NDST4: variants seen among roughly 807,000 people sequenced by gnomAD.
NDST4 encodes N-heparan sulfate sulfotransferase 4.
Under a neutral mutation model 100.8 loss-of-function variants are expected in NDST4, and 63 were observed. That is an observed-to-expected ratio of 0.62 (90% CI 0.51 to 0.77). NDST4 has a LOEUF of 0.77. NDST4 is among the 30% of genes least tolerant of loss of function. The probability of loss-of-function intolerance (pLI) is 0.00; values close to 1 mark genes in which losing one functional copy is unlikely to be tolerated. For synonymous variants in NDST4, 377 were observed against 361.8 expected, an observed-to-expected ratio of 1.04 and a Z score of -0.48; for missense variants, 943 against 1,018.4, an observed-to-expected ratio of 0.93 and a Z score of 1.01.
At chr4:114,989,779 TAA>T (rs1466487908) in intron 2 of NDST4, among the ~76,000 whole-genome samples, 1 of 152,142 alleles carries the variant, frequency 6.6e-6, no homozygotes, top group African/African-American at 2.4e-5. Context: ...AGTTTGAAGA[TAA>T]AGTTTCTAGA....
At chr4:115,003,285 CA>C (rs1326537433) in intron 2 of NDST4, among the ~76,000 whole-genome samples, 2 of 152,050 alleles carry the variant, frequency 1.3e-5, no homozygotes, top group African/African-American at 4.8e-5. Flanking sequence ...TAAAATCAAA[CA>C]AAATTTAAGA....
In NDST4 at chr4:115,084,173, G is replaced by A. The variant is rs568967305; in HGVS notation, c.-246-6891C>T. On this transcript the variant is annotated intron_variant, in intron 1 of 13. Transcript: ENST00000264363. ...GATCTCAGATGTTGATGAGGAACTTGTTGGGAACTGGAATAAAGGGGATTC... is the reference window on the plus strand; with the variant it reads ...GATCTCAGATGTTGATGAGGAACTTATTGGGAACTGGAATAAAGGGGATTC... Among the ~76,000 whole-genome samples, 20 of 152,332 alleles carry A rather than the reference G, an allele frequency of 1.3e-4. 1 individual carries two copies. In the South Asian group the frequency reaches 2.9e-3, roughly 22 times the overall value.
At chr4:115,003,045 A>C (rs1388296555) in intron 2 of NDST4, among the ~76,000 whole-genome samples, 1 of 152,096 alleles carries the variant, frequency 6.6e-6, no homozygotes, top group Non-Finnish European at 1.5e-5. Flanking sequence ...ACATGGATAC[A>C]GGGAGGGGAA....
chr4:115,055,726 G>A (rs1660777472), intron 2 of NDST4, among the ~76,000 whole-genome samples: 1 of 152,020 alleles, frequency 6.6e-6, no homozygotes, highest in African/African-American at 2.4e-5. Context: ...GACTCTGTAG[G>A]TTAATGAGAA....
chr4:115,085,182 TG>T (rs1729386074), intron 1 of NDST4, among the ~76,000 whole-genome samples: 1 of 152,326 alleles, frequency 6.6e-6, no homozygotes, highest in African/African-American at 2.4e-5. Context: ...CAGAATTTCG[TG>T]GGGCCTGTAG....
chr4:114,961,717 A>T (rs1409863606), intron 4 of NDST4, among the ~76,000 whole-genome samples: 2 of 152,054 alleles, frequency 1.3e-5, no homozygotes, highest in Non-Finnish European at 2.9e-5. Context: ...ACACAAATAA[A>T]AGCAAGGAAC....
rs1388507013 is a variant in NDST4, at chr4:114,981,974, T to C, written c.979-4700A>G. Among the ~76,000 whole-genome samples, 6 of 152,284 alleles carry C rather than the reference T, an allele frequency of 3.9e-5. No homozygotes were observed. The South Asian group carries it at 1.2e-3, about 32-fold the overall frequency. On this transcript the variant is annotated intron_variant, in intron 2 of 13. Coordinates refer to ENST00000264363, the MANE Select transcript of NDST4 (RefSeq NM_022569.3). The stretch of plus-strand genomic sequence containing the variant: ...GCACCATCTCCCTAGTGCTGTCTCA[T>C]GACAGAGTTCTCACGAGATCTGGTT...
chr4:114,946,656 T>C (rs1429278797), intron 4 of NDST4, among the ~76,000 whole-genome samples: 2 of 152,038 alleles, frequency 1.3e-5, no homozygotes, highest in African/African-American at 2.4e-5. Flanking sequence ...AGGGGGAGAT[T>C]AGCAAGAGAT....
At chr4:114,851,376 A>C (rs1329369743) in intron 8 of NDST4, among the ~76,000 whole-genome samples, 1 of 152,174 alleles carries the variant, frequency 6.6e-6, no homozygotes, top group Non-Finnish European at 1.5e-5. Context: ...CCTTTGTTTT[A>C]ACATCTTATT....
rs200801455 is a variant in NDST4, at chr4:115,013,346, CATATAT to C, written c.979-36078_979-36073del. 4.1e-4 allele frequency among the ~76,000 whole-genome samples: 27 copies of C among 65,360 alleles called. 2 individuals carry two copies. The highest frequency in any genetic ancestry group is 0.011 in the Middle Eastern group (1 of 90). 42.9% of individuals were successfully genotyped at this position (65,360 alleles called of 152,430 possible). On this transcript the variant is annotated intron_variant, in intron 2 of 13. Coordinates refer to ENST00000264363, the MANE Select transcript of NDST4 (RefSeq NM_022569.3). ...ATGTACTCCATAAAAATATAAATAC[CATATAT>C]ATATATATATATATATATACACACA...
At chr4:114,845,114 G>A (rs958013494) in intron 10 of NDST4, among the ~76,000 whole-genome samples, 2 of 152,050 alleles carry the variant, frequency 1.3e-5, no homozygotes, top group Admixed American at 6.6e-5. Context: ...TGGATTGCTC[G>A]AGCCCGGGAG....
At chr4:115,058,265 T>G (rs916096316) in intron 2 of NDST4, among the ~76,000 whole-genome samples, 1 of 152,172 alleles carries the variant, frequency 6.6e-6, no homozygotes, top group Non-Finnish European at 1.5e-5. Flanking sequence ...ATTCCTTGTA[T>G]AATGTTAATG....
intron 7 of NDST4, among the ~76,000 whole-genome samples, chr4:114,853,777 T>G (rs1346731035): frequency 6.6e-6 from 1 of 152,214 alleles, no homozygotes; most frequent in Non-Finnish European, 1.5e-5. Context: ...GGTTCATATT[T>G]CTGTACTTTA....
At chr4:114,829,600 GTATC>G (rs1578330115) in intron 13 of NDST4, among the ~76,000 whole-genome samples, 186 bp downstream of exon 13, 1 of 151,964 alleles carries the variant, frequency 6.6e-6, no homozygotes, top group Non-Finnish European at 1.5e-5. Context: ...ATTAATTTTA[GTATC>G]TATCTACCGA....
chr4:115,020,473 A>T (rs1293364478), intron 2 of NDST4, among the ~76,000 whole-genome samples: 1 of 152,200 alleles, frequency 6.6e-6, no homozygotes, highest in East Asian at 1.9e-4. Context: ...CATAGGAAAA[A>T]CCCTTTTAGA....
chr4:115,089,010 G>T (rs1378306122), intron 1 of NDST4, among the ~76,000 whole-genome samples: 1 of 152,002 alleles, frequency 6.6e-6, no homozygotes, highest in African/African-American at 2.4e-5. Flanking sequence ...GATTTATTTA[G>T]AATTGAATCT....
intron 8 of NDST4, among the ~76,000 whole-genome samples, chr4:114,851,975 T>A (rs1484163705): frequency 1.3e-5 from 2 of 152,172 alleles, no homozygotes; most frequent in Non-Finnish European, 2.9e-5. Context: ...TGAAAATGCT[T>A]CTAGTCAAAG....
At chr4:115,042,962 T>C (rs1040245904) in intron 2 of NDST4, among the ~76,000 whole-genome samples, 4 of 152,050 alleles carry the variant, frequency 2.6e-5, no homozygotes, top group African/African-American at 9.7e-5. Flanking sequence ...CTGACAGATG[T>C]CTCTGTGTTT....
rs1000127006 is a variant in NDST4 at position 115,062,885 on chromosome 4, A to G, written c.978+13174T>C. 1.1e-4 allele frequency among the ~76,000 whole-genome samples: 17 copies of G among 151,908 alleles called. 1 individual carries two copies. The highest frequency in any genetic ancestry group is 3.9e-4 in the African/African-American group (16 of 41,378). The stretch of plus-strand genomic sequence containing the variant: ...AGCCATACGAGTAAAAGTAAGAGAA[A>G]AAGCAATTTGAAGAAAATGTGTATG... On this transcript the variant is annotated intron_variant, in intron 2 of 13. Coordinates refer to ENST00000264363, the MANE Select transcript of NDST4 (RefSeq NM_022569.3).
Sources: gnomAD v4.1 joint callset for allele counts (sites outside exome capture counted in the v4.1 genomes callset) on GRCh38, gnomAD v4.1.1 for gene constraint, MANE v1.5 for transcripts, NCBI Gene and HGNC (gene_info 2026-07-23, HGNC 2026-07-21) for gene names.